Variants in ANK3 observed in about 807,000 individuals in gnomAD.
ANK3 encodes the protein ankyrin 3, also known as ankyrin-3.
ANK3 carries 57 observed loss-of-function variants against 370.9 expected under a neutral mutation model. The observed-to-expected ratio is 0.15, with a 90% CI of 0.12 to 0.19. ANK3 has a LOEUF of 0.19. Ranked by LOEUF, ANK3 falls within the 10% of genes least tolerant of loss-of-function variation. The pLI is 1.00. For synonymous variants in ANK3, 1,929 were observed against 1,946.3 expected (o/e 0.99, Z 0.23); for missense variants, 4,439 against 5,302.1 (o/e 0.84, Z 5.06).
rs2079189848 is a variant in ANK3, at chr10:60,056,457, A to G, written c.12687-421T>C. On this transcript the variant is annotated intron_variant, in intron 41 of 43. Coordinates refer to ENST00000280772, the MANE Select transcript of ANK3 (RefSeq NM_020987.5). ...GTATTTCAGCCTGGGTGACAGAGTG[A>G]GACTCTGTCTCAAAATAAATAAATA... 3.3e-5 allele frequency among the ~76,000 whole-genome samples: 5 copies of G among 152,300 alleles called. No homozygotes were observed. The South Asian group carries it at 1.0e-3, about 32-fold the overall frequency.
chr10:60,094,317 A>G (rs1304776830), intron 28 of ANK3, among the ~76,000 whole-genome samples: 1 of 150,860 alleles, frequency 6.6e-6, no homozygotes, highest in Non-Finnish European at 1.5e-5. Flanking sequence ...CCTCCCAAGT[A>G]GCTGGGATTA....
chr10:60,427,671 T>C (rs1312903465), intron 2 of ANK3, among the ~76,000 whole-genome samples: 1 of 152,112 alleles, frequency 6.6e-6, no homozygotes, highest in Non-Finnish European at 1.5e-5. Context: ...CATTTTGTGA[T>C]TTAAAAAAAT....
At chr10:60,636,044 G>A (rs1040909634) in intron 1 of ANK3, among the ~76,000 whole-genome samples, 1 of 152,116 alleles carries the variant, frequency 6.6e-6, no homozygotes, top group East Asian at 1.9e-4. Flanking sequence ...AATAAATTCT[G>A]CTTAGAAATT....
chr10:60,191,797 G>T (rs1342564186), intron 16 of ANK3, among the ~76,000 whole-genome samples: 1 of 152,190 alleles, frequency 6.6e-6, no homozygotes, highest in Admixed American at 6.5e-5. Context: ...GCACTCGTAT[G>T]TTCATTGCAG....
intron 14 of ANK3, among the ~76,000 whole-genome samples, chr10:60,197,949 A>C (rs767644872): frequency 2.4e-4 from 36 of 152,222 alleles, no homozygotes; most frequent in Non-Finnish European, 4.7e-4. Context: ...AGAAAAATTC[A>C]CTGCCAGTTT....
chr10:60,235,181 T>G (rs1332382292), intron 7 of ANK3, among the ~76,000 whole-genome samples: 1 of 152,108 alleles, frequency 6.6e-6, no homozygotes, highest in Non-Finnish European at 1.5e-5. Flanking sequence ...TTTAAAAGAG[T>G]GTCATGTGAC....
rs1170384664 is a variant in ANK3 at position 60,614,617 on chromosome 10, G to C, written c.96+569C>G. On this transcript the variant is annotated intron_variant, in intron 2 of 43. Coordinates refer to the ANK3 transcript ENST00000373827. ...TTTACACGTCACTATATAGGGGAAA[G>C]GTAGCCTGCATAGCCCACTGAGCAG... 2.0e-5 allele frequency among the ~76,000 whole-genome samples: 3 copies of C among 152,284 alleles called. No homozygotes were observed. In the South Asian group the frequency reaches 6.2e-4, roughly 32 times the overall value.
intron 1 of ANK3, among the ~76,000 whole-genome samples, chr10:60,380,580 G>A (rs867748688): frequency 5.9e-5 from 9 of 152,072 alleles, no homozygotes; most frequent in African/African-American, 1.2e-4. Context: ...AATGATCTAC[G>A]TCATGCATGT....
chr10:60,063,048 G>T, intron 40 of ANK3, 63 bp downstream of exon 40: 1 of 1,508,768 alleles, frequency 6.6e-7, no homozygotes. Context: ...TGACTGCCTT[G>T]TCTGACTGCA....
At chr10:60,406,126 T>C (rs534132545) in intron 2 of ANK3, among the ~76,000 whole-genome samples, 17 of 152,310 alleles carry the variant, frequency 1.1e-4, no homozygotes, top group African/African-American at 4.1e-4. Context: ...CATCAAACTT[T>C]CTGTAAGGGG....
At chr10:60,278,976 C>T in intron 3 of ANK3, 74 bp downstream of exon 3, 1 of 1,545,594 alleles carries the variant, frequency 6.5e-7, no homozygotes, top group Non-Finnish European at 8.9e-7. Context: ...ATATGTGCCC[C>T]CATTCTTACT....
At chr10:60,573,143 A>G (rs2077637232) in intron 2 of ANK3, among the ~76,000 whole-genome samples, 1 of 152,116 alleles carries the variant, frequency 6.6e-6, no homozygotes, top group Non-Finnish European at 1.5e-5. Context: ...CTGTAAAAAA[A>G]AAATTCAATG....
upstream of ANK3, among the ~76,000 whole-genome samples, chr10:60,392,853 T>C (rs1172145956): frequency 2.6e-5 from 4 of 152,036 alleles, no homozygotes; most frequent in Middle Eastern, 3.4e-3. Flanking sequence ...CACTTGAACC[T>C]GGGAGGCGGT....
chr10:60,189,029 A>G (rs2096412490), intron 16 of ANK3, among the ~76,000 whole-genome samples: 1 of 152,220 alleles, frequency 6.6e-6, no homozygotes, highest in East Asian at 1.9e-4. Context: ...TAAACTCAGA[A>G]TTTAGCTTCT....
At chr10:60,390,718 G>A (rs532646858), upstream of ANK3, among the ~76,000 whole-genome samples, 2 of 123,112 alleles carry the variant, frequency 1.6e-5, no homozygotes, top group East Asian at 4.7e-4. Flanking sequence ...ATGAGACCTA[G>A]TAAAAAAAAG....
intron 1 of ANK3, among the ~76,000 whole-genome samples, chr10:60,727,542 T>C (rs763799584): frequency 7.2e-5 from 11 of 152,128 alleles, no homozygotes; most frequent in Non-Finnish European, 1.5e-4. Flanking sequence ...ATGTAGTGAG[T>C]TTTATTGTAT....
Position 60,624,414 on chromosome 10 carries a change from C to A in ANK3, c.58-9190G>T, listed in dbSNP as rs78613531. ...CTGTTGCTGGAAGAAGTGGCATCAT[C>A]CACACAACTACACTGGGAAAGAACA... On this transcript the variant is annotated intron_variant, in intron 1 of 43. Transcript: ENST00000373827. Among the ~76,000 whole-genome samples the A allele has an allele frequency of 2.7e-3, 412 of 152,194 alleles. 2 individuals carry two copies. Among genetic ancestry groups the A allele is most frequent in the African/African-American group, 9.5e-3 (396 of 41,542 alleles).
chr10:60,562,408 C>CGG (rs368809696), intron 2 of ANK3, among the ~76,000 whole-genome samples: 15 of 141,288 alleles, frequency 1.1e-4, no homozygotes, highest in African/African-American at 4.0e-4. Context: ...GCATTTGTTT[C>CGG]GGGGGGGGCA....
At chr10:60,035,872 A>C (rs2074847180) in intron 43 of ANK3, among the ~76,000 whole-genome samples, 1 of 151,350 alleles carries the variant, frequency 6.6e-6, no homozygotes, top group Non-Finnish European at 1.5e-5. Context: ...TTAAAATAAA[A>C]AATATTATAT....
Sources: gnomAD v4.1 joint callset for allele counts (sites outside exome capture counted in the v4.1 genomes callset) on GRCh38, gnomAD v4.1.1 for gene constraint, MANE v1.5 for transcripts, NCBI Gene and HGNC (gene_info 2026-07-23, HGNC 2026-07-21) for gene names.